The following NMNAT2 variants were observed in gnomAD, a reference collection of about 807,000 sequenced individuals.
NMNAT2 encodes nicotinamide nucleotide adenylyltransferase 2.
In NMNAT2, 11 loss-of-function variants were observed where a neutral mutation model predicts 41.6. The observed-to-expected ratio is 0.26, with a 90% confidence interval of 0.17 to 0.44. NMNAT2 has a LOEUF of 0.44. NMNAT2 is among the 20% of genes least tolerant of loss of function. The pLI, the probability that NMNAT2 is intolerant of heterozygous loss-of-function variation, is 1.00. For synonymous variants in NMNAT2, 148 were observed against 151.2 expected (o/e 0.98, Z 0.16); for missense variants, 288 against 407.7 (o/e 0.71, Z 2.53).
intron 2 of NMNAT2, 115 bp from the exon 3 acceptor site, chr1:183,292,972 G>T: frequency 1.1e-6 from 1 of 942,706 alleles, no homozygotes; most frequent in Non-Finnish European, 1.7e-6. Context: ...GTGGTGAGAG[G>T]GAATGAAGAA....
At chr1:183,344,733 C>G (rs1273407357) in intron 1 of NMNAT2, among the ~76,000 whole-genome samples, 1 of 152,136 alleles carries the variant, frequency 6.6e-6, no homozygotes, top group African/African-American at 2.4e-5. Flanking sequence ...GAAGGCAGAA[C>G]AGAATATTTA....
At chr1:183,296,203 C>T (rs932498166) in intron 1 of NMNAT2, among the ~76,000 whole-genome samples, 4 of 152,146 alleles carry the variant, frequency 2.6e-5, no homozygotes, top group Non-Finnish European at 5.9e-5. Flanking sequence ...GGAAGTACTT[C>T]AGTTTATCCA....
In NMNAT2 at chr1:183,418,362, G is replaced by T; in HGVS notation, c.-95C>A. 1.6e-6 allele frequency: 2 copies of T among 1,249,624 alleles called. No individual in the cohort carries two copies. Among genetic ancestry groups the T allele is most frequent in the Non-Finnish European group, 2.3e-6 (2 of 855,496 alleles). 77.4% of individuals were successfully genotyped at this position (1,249,624 alleles called of 1,614,324 possible). ...GGAGAAAGGAAGGCGAGGCTCCGGC[G>T]GTGGATGCTGTGGACTCCAAGGAGC... On this transcript the variant is annotated 5_prime_UTR_variant, in exon 1 of 11. Transcript: ENST00000287713.
intron 7 of NMNAT2, among the ~76,000 whole-genome samples, chr1:183,279,094 G>A (rs921589196): frequency 2.0e-5 from 3 of 152,178 alleles, no homozygotes; most frequent in Non-Finnish European, 4.4e-5. Context: ...ATGGGAGGGG[G>A]TGTGAGGGGA....
intron 1 of NMNAT2, among the ~76,000 whole-genome samples, chr1:183,356,741 G>A (rs961249907): frequency 1.3e-5 from 2 of 152,236 alleles, no homozygotes; most frequent in Non-Finnish European, 2.9e-5. Flanking sequence ...CCTTTGGAAG[G>A]AGCTGAAATT....
At chr1:183,402,992 G>A (rs1025616360) in intron 1 of NMNAT2, among the ~76,000 whole-genome samples, 2 of 150,086 alleles carry the variant, frequency 1.3e-5, no homozygotes, top group African/African-American at 4.9e-5. Context: ...TGGGTGCAAG[G>A]ACGTGATCTC....
intron 1 of NMNAT2, among the ~76,000 whole-genome samples, chr1:183,297,158 C>T (rs925532523): frequency 6.6e-6 from 1 of 151,122 alleles, no homozygotes; most frequent in African/African-American, 2.4e-5. Context: ...CTGCTCTGGA[C>T]TTATTTCCCG....
At chr1:183,286,611 G>C (rs754949207) in intron 5 of NMNAT2, 51 bp downstream of exon 5, 10 of 1,495,958 alleles carry the variant, frequency 6.7e-6, no homozygotes, top group Non-Finnish European at 7.3e-6. Flanking sequence ...AATTTAACAA[G>C]CCCTCCACAT....
chr1:183,405,806 G>A lies in NMNAT2; in HGVS notation c.85+12377C>T, dbSNP rs888369261. 2.0e-5 allele frequency among the ~76,000 whole-genome samples: 3 copies of A among 152,286 alleles called. No homozygotes were observed. The South Asian group carries it at 6.2e-4, about 32-fold the overall frequency. On this transcript the variant is annotated intron_variant, in intron 1 of 10. Coordinates refer to ENST00000287713, the MANE Select transcript of NMNAT2 (RefSeq NM_015039.4). ...CTTGATAATTTCAGAATTCAGAAACGCTTAGTCTCAGCCCTGCCTGGGAAC... is the reference window on the plus strand; with the variant it reads ...CTTGATAATTTCAGAATTCAGAAACACTTAGTCTCAGCCCTGCCTGGGAAC...
chr1:183,329,236 T>TTG (rs954435593), intron 1 of NMNAT2, among the ~76,000 whole-genome samples: 9 of 152,054 alleles, frequency 5.9e-5, no homozygotes, highest in East Asian at 1.9e-4. Context: ...TCCATTTTAA[T>TTG]TGTGTGTGTG....
chr1:183,402,367 C>A (rs1484495011), intron 1 of NMNAT2, among the ~76,000 whole-genome samples: 1 of 152,162 alleles, frequency 6.6e-6, no homozygotes, highest in Non-Finnish European at 1.5e-5. Context: ...AATAATAAGA[C>A]CATCTTGACT....
At chr1:183,417,236 C>A (rs1649280328) in intron 1 of NMNAT2, among the ~76,000 whole-genome samples, 1 of 152,162 alleles carries the variant, frequency 6.6e-6, no homozygotes, top group African/African-American at 2.4e-5. Flanking sequence ...TCCCCTACCG[C>A]TGCTGGACCC....
At position 183,249,215 on chromosome 1, in the gene NMNAT2, A is replaced by C. The variant is rs199958731; in HGVS notation, c.*3426T>G. On this transcript the variant is annotated 3_prime_UTR_variant, in exon 11 of 11. Coordinates refer to ENST00000287713, the MANE Select transcript of NMNAT2 (RefSeq NM_015039.4). ...CCCTTGTTCCTATGTACATTCAAGGAAAATGAAAGCAAGAAGGCTCTAGAG... is the reference window on the plus strand; with the variant it reads ...CCCTTGTTCCTATGTACATTCAAGGCAAATGAAAGCAAGAAGGCTCTAGAG... The C allele has an allele frequency of 6.6e-6, 1 of 152,172 alleles. No individual in the cohort carries two copies. Among genetic ancestry groups the C allele is most frequent in the Non-Finnish European group, 1.5e-5 (1 of 68,036 alleles). 9.4% of individuals were successfully genotyped at this position (152,172 alleles called of 1,614,324 possible).
chr1:183,280,014 G>A (rs1661217660), intron 7 of NMNAT2, among the ~76,000 whole-genome samples: 1 of 152,206 alleles, frequency 6.6e-6, no homozygotes, highest in South Asian at 2.1e-4. Flanking sequence ...CGGGCAATCT[G>A]GGAGGGCTGT....
intron 1 of NMNAT2, among the ~76,000 whole-genome samples, chr1:183,342,986 C>T (rs1247273464): frequency 6.6e-6 from 1 of 152,024 alleles, no homozygotes; most frequent in Non-Finnish European, 1.5e-5. Flanking sequence ...AATCCTCCCA[C>T]CTCAACCTCC....
intron 1 of NMNAT2, among the ~76,000 whole-genome samples, chr1:183,299,107 C>T (rs1346786387): frequency 1.3e-5 from 2 of 152,218 alleles, no homozygotes; most frequent in African/African-American, 4.8e-5. Flanking sequence ...CACCGTGGCT[C>T]ATGCCTGTAA....
intron 1 of NMNAT2, among the ~76,000 whole-genome samples, chr1:183,337,485 A>G (rs1169411605): frequency 6.7e-6 from 1 of 150,236 alleles, no homozygotes; most frequent in Non-Finnish European, 1.5e-5. Flanking sequence ...CAAGACATAA[A>G]GAGGTTGAGT....
intron 6 of NMNAT2, 132 bp from the exon 7 acceptor site, chr1:183,284,171 C>T: frequency 1.4e-6 from 1 of 720,424 alleles, no homozygotes; most frequent in Non-Finnish European, 2.3e-6. Context: ...TGTGGTGTGC[C>T]ACCTGAGGAG....
chr1:183,381,415 G>C (rs931673868), intron 1 of NMNAT2, among the ~76,000 whole-genome samples: 2 of 152,150 alleles, frequency 1.3e-5, no homozygotes, highest in Admixed American at 1.3e-4. Flanking sequence ...AATGAATAAG[G>C]CCAGGCACAG....
Sources: allele counts gnomAD v4.1 joint callset (sites outside exome capture counted in the v4.1 genomes callset), GRCh38; gene constraint gnomAD v4.1.1; transcripts MANE v1.5; gene names NCBI Gene and HGNC (gene_info 2026-07-23, HGNC 2026-07-21).